Variants in ATP6V0D2 observed in about 807,000 individuals in gnomAD.
ATP6V0D2 encodes ATPase H+ transporting V0 subunit d2, also known as V-type proton ATPase subunit d 2.
A neutral mutation model predicts 40.0 loss-of-function variants in ATP6V0D2; 40 were observed. The observed-to-expected ratio is 1.00, with a 90% confidence interval of 0.78 to 1.30. ATP6V0D2 has a LOEUF of 1.30. Ranked by LOEUF, ATP6V0D2 falls within the 50% of genes most tolerant of loss-of-function variation. The pLI is 0.00. For synonymous variants in ATP6V0D2, 179 were observed against 156.3 expected (o/e 1.15, Z -1.08); for missense variants, 470 against 423.1 (o/e 1.11, Z -0.97).
Position 86,130,065 on chromosome 8 carries a change from A to C in ATP6V0D2, c.303-9392A>C, listed in dbSNP as rs2626320. On this transcript the variant is annotated intron_variant, in intron 2 of 7. Coordinates refer to ENST00000285393, the MANE Select transcript of ATP6V0D2 (RefSeq NM_152565.1). The stretch of plus-strand genomic sequence containing the variant: ...ATTTTCTCACTTATTTCCTCATCCC[A>C]CTTCGGTCTTATTTCCTTCCCCATC... Among the ~76,000 whole-genome samples the C allele has an allele frequency of 1.3e-3, 200 of 151,990 alleles. 5 individuals carry two copies. In the East Asian group the frequency reaches 0.023, roughly 17 times the overall value.
intron 5 of ATP6V0D2, among the ~76,000 whole-genome samples, chr8:86,149,727 C>T (rs1357503685): frequency 6.6e-6 from 1 of 152,174 alleles, no homozygotes; most frequent in Admixed American, 6.5e-5. Flanking sequence ...TAAGCACTTC[C>T]ACTTATGTTA....
chr8:86,147,422 C>T (rs1819086025), intron 5 of ATP6V0D2, among the ~76,000 whole-genome samples: 2 of 152,166 alleles, frequency 1.3e-5, no homozygotes, highest in Non-Finnish European at 2.9e-5. Context: ...AAAGGAAAGT[C>T]ATGGGACTGC....
Position 86,098,970 on chromosome 8 carries a change from T to A in ATP6V0D2, c.-9T>A, listed in dbSNP as rs766901635. The A allele has an allele frequency of 3.1e-6, 5 of 1,612,938 alleles. No homozygotes were observed. Among genetic ancestry groups the A allele is most frequent in the Non-Finnish European group, 4.2e-6 (5 of 1,179,590 alleles). ...GTTTCACCCTACCTTGGCTTCAATC[T>A]CTTCCCCCATGCTCGAAGGTGCGGA... On this transcript the variant is annotated 5_prime_UTR_variant, in exon 1 of 8. Transcript: ENST00000285393.
chr8:86,130,184 C>G (rs1818804148), intron 2 of ATP6V0D2, among the ~76,000 whole-genome samples: 1 of 151,952 alleles, frequency 6.6e-6, no homozygotes, highest in Non-Finnish European at 1.5e-5. Context: ...TTACCTTGTC[C>G]CATTCACTTT....
chr8:86,136,390 A>G (rs972598927), intron 2 of ATP6V0D2, among the ~76,000 whole-genome samples: 2 of 152,164 alleles, frequency 1.3e-5, no homozygotes, highest in African/African-American at 2.4e-5. Flanking sequence ...TTCGCAGCTC[A>G]GATGCTTTTA....
At chr8:86,133,234 G>T (rs1011110443) in intron 2 of ATP6V0D2, among the ~76,000 whole-genome samples, 1 of 151,078 alleles carries the variant, frequency 6.6e-6, no homozygotes, top group Non-Finnish European at 1.5e-5. Context: ...AAGCCAATGG[G>T]CACATACAAA....
intron 2 of ATP6V0D2, among the ~76,000 whole-genome samples, chr8:86,137,996 A>G (rs1425569798): frequency 6.6e-6 from 1 of 152,176 alleles, no homozygotes; most frequent in Non-Finnish European, 1.5e-5. Flanking sequence ...ACATTTACAT[A>G]GGTCATAATA....
chr8:86,145,260 A>G (rs1819042074), intron 5 of ATP6V0D2, among the ~76,000 whole-genome samples: 1 of 63,350 alleles, frequency 1.6e-5, no homozygotes, highest in Admixed American at 1.9e-4. Flanking sequence ...AGAGAGAGAA[A>G]GAAAGAAAGA....
At chr8:86,100,274 A>G (rs2130219512) in intron 1 of ATP6V0D2, among the ~76,000 whole-genome samples, 1 of 152,284 alleles carries the variant, frequency 6.6e-6, no homozygotes, top group Admixed American at 6.5e-5. Flanking sequence ...TTTATTATTA[A>G]AAACAGCTAC....
intron 1 of ATP6V0D2, among the ~76,000 whole-genome samples, chr8:86,110,332 T>C (rs555902398): frequency 3.3e-5 from 5 of 152,316 alleles, no homozygotes; most frequent in Admixed American, 3.3e-4. Flanking sequence ...TTACCTCAAG[T>C]GATCCACCCG....
At chr8:86,149,575 A>C (rs964238318) in intron 5 of ATP6V0D2, among the ~76,000 whole-genome samples, 1 of 152,200 alleles carries the variant, frequency 6.6e-6, no homozygotes, top group Non-Finnish European at 1.5e-5. Context: ...CTAGGACACT[A>C]ACAAAGAAAA....
intron 7 of ATP6V0D2, among the ~76,000 whole-genome samples, chr8:86,151,917 C>CT (rs201198545): frequency 1.7e-4 from 26 of 151,664 alleles, no homozygotes; most frequent in African/African-American, 5.8e-4. Context: ...GATAATGTTT[C>CT]TTTTTTAAAA....
At chr8:86,151,288 T>C (rs1249290114) in intron 6 of ATP6V0D2, among the ~76,000 whole-genome samples, 178 bp from the exon 7 acceptor site, 1 of 152,162 alleles carries the variant, frequency 6.6e-6, no homozygotes, top group African/African-American at 2.4e-5. Flanking sequence ...TCCACACTCT[T>C]GTTATTTGGA....
Position 86,131,676 on chromosome 8 carries a change from TTTTTAGTACAG to T in ATP6V0D2, c.303-7780_303-7770del, listed in dbSNP as rs563449294. On this transcript the variant is annotated intron_variant, in intron 2 of 7. Coordinates refer to ENST00000285393, the MANE Select transcript of ATP6V0D2 (RefSeq NM_152565.1). ...TCACCACGCCCAGCTAATTCTTGTA[TTTTTAGTACAG>T]ATGGGGTTTTACCATGTTGGCCAGG... 1.0e-3 allele frequency among the ~76,000 whole-genome samples: 156 copies of T among 151,662 alleles called. 2 individuals are homozygous for T. Among genetic ancestry groups the T allele is most frequent in the African/African-American group, 3.5e-3 (143 of 41,340 alleles).
chr8:86,150,668 C>G (rs1819133198), intron 6 of ATP6V0D2, among the ~76,000 whole-genome samples: 1 of 152,152 alleles, frequency 6.6e-6, no homozygotes, highest in South Asian at 2.1e-4. Flanking sequence ...ACTAGGGAAA[C>G]AAGGTTAGCC....
At chr8:86,134,148 A>G (rs991711175) in intron 2 of ATP6V0D2, among the ~76,000 whole-genome samples, 3 of 152,202 alleles carry the variant, frequency 2.0e-5, no homozygotes, top group Non-Finnish European at 2.9e-5. Flanking sequence ...TCATGGAGCC[A>G]GAAGCAAGCG....
chr8:86,104,106 G>C (rs942184949), intron 1 of ATP6V0D2, among the ~76,000 whole-genome samples: 20 of 152,166 alleles, frequency 1.3e-4, no homozygotes, highest in African/African-American at 4.6e-4. Context: ...GGGATTACAG[G>C]CATGACCCAC....
At chr8:86,118,027 T>TTTC (rs1163084289) in intron 2 of ATP6V0D2, among the ~76,000 whole-genome samples, 23 of 144,904 alleles carry the variant, frequency 1.6e-4, no homozygotes, top group Non-Finnish European at 2.7e-4. Context: ...TCTTTCTTTC[T>TTTC]TTTTTTTTCT....
At chr8:86,128,215 G>T (rs1009485128) in intron 2 of ATP6V0D2, among the ~76,000 whole-genome samples, 1 of 152,192 alleles carries the variant, frequency 6.6e-6, no homozygotes, top group Non-Finnish European at 1.5e-5. Flanking sequence ...CGGGCATGGT[G>T]GTGGGTGCCT....
Sources: gnomAD v4.1 joint callset for allele counts (sites outside exome capture counted in the v4.1 genomes callset) on GRCh38, gnomAD v4.1.1 for gene constraint, MANE v1.5 for transcripts, NCBI Gene and HGNC (gene_info 2026-07-23, HGNC 2026-07-21) for gene names.